The following ZNF567 variants were observed in gnomAD, a reference collection of about 807,000 sequenced individuals.
The protein encoded by ZNF567 is zinc finger protein 567.
A neutral mutation model predicts 53.9 loss-of-function variants in ZNF567; 36 were observed. The observed-to-expected ratio is 0.67, with a 90% CI of 0.51 to 0.88. The LOEUF (loss-of-function observed/expected upper bound fraction) is 0.88. Among genes scored for constraint, ZNF567 ranks in the 40% least tolerant of loss-of-function variants. ZNF567 has a pLI of 0.00. For missense variants in ZNF567, 619 were observed against 764.7 expected (o/e 0.81, Z 2.25); for synonymous variants, 224 against 260.4 (o/e 0.86, Z 1.35).
chr19:36,712,499 C>T lies in ZNF567; in HGVS notation c.123C>T (p.His41=). 6.2e-7 allele frequency: 1 copy of T among 1,614,100 alleles called. No homozygotes were observed. The highest frequency in any genetic ancestry group is 8.5e-7 in the Non-Finnish European group (1 of 1,179,990). ...YMDVMLENYC[H]LISVGCHMTK... Reference sequence around the variant, plus strand: ...ATGTGATGTTGGAAAACTATTGCCACCTCATCTCTGTGGGTAAGAAAAATC... The same window carrying T: ...ATGTGATGTTGGAAAACTATTGCCATCTCATCTCTGTGGGTAAGAAAAATC... The change falls in exon 4 of 6, where the codon CAC becomes CAT. Residue 41 remains histidine, a synonymous_variant. Transcript: ENST00000682579.
At chr19:36,708,436 C>T (rs771265253) in intron 3 of ZNF567, among the ~76,000 whole-genome samples, 10 of 152,136 alleles carry the variant, frequency 6.6e-5, no homozygotes, top group South Asian at 2.1e-4. Flanking sequence ...TTTTGGTCTA[C>T]GGCTAATTTA....
intron 2 of ZNF567, among the ~76,000 whole-genome samples, chr19:36,691,243 G>A (rs756459151): frequency 4.6e-5 from 7 of 151,884 alleles, no homozygotes; most frequent in Non-Finnish European, 1.0e-4. Flanking sequence ...CTGCAGCCTC[G>A]ATCTCCCTGG....
the ZNF567 span, among the ~76,000 whole-genome samples, chr19:36,677,656 A>G: frequency 1.3e-5 from 2 of 151,644 alleles, no homozygotes; most frequent in Non-Finnish European, 2.9e-5. Flanking sequence ...AGTCCCAGCT[A>G]CTTGGGAGGC....
chr19:36,697,907 G>A (rs1180075074), intron 3 of ZNF567, among the ~76,000 whole-genome samples: 3 of 143,784 alleles, frequency 2.1e-5, no homozygotes, highest in Non-Finnish European at 4.5e-5. Context: ...CACCATGTCC[G>A]GCTGGAATTT....
At chr19:36,726,981 T>TC (rs1568725609), downstream of ZNF567, 161 of 60,822 alleles carry the variant, frequency 2.6e-3, no homozygotes, top group African/African-American at 9.3e-3. Context: ...TCTTTCTTTC[T>TC]TTTTCTTTCT....
chr19:36,708,795 C>T (rs1568701702), intron 3 of ZNF567, among the ~76,000 whole-genome samples: 1 of 152,080 alleles, frequency 6.6e-6, no homozygotes, highest in South Asian at 2.1e-4. Flanking sequence ...TCCTCCTAAC[C>T]CGTTCTTGCT....
At chr19:36,673,860 G>A in the ZNF567 span, among the ~76,000 whole-genome samples, 1 of 152,136 alleles carries the variant, frequency 6.6e-6, no homozygotes, top group Non-Finnish European at 1.5e-5. Flanking sequence ...GAGGCATCAA[G>A]AGCTTAAATA....
At chr19:36,704,293 C>T (rs1368959227) in intron 3 of ZNF567, among the ~76,000 whole-genome samples, 6 of 152,074 alleles carry the variant, frequency 3.9e-5, no homozygotes, top group East Asian at 3.9e-4. Flanking sequence ...ATGTGGTGGG[C>T]GCCTGTAATC....
intron 1 of ZNF567, among the ~76,000 whole-genome samples, chr19:36,689,045 C>T (rs2038438966): frequency 6.6e-6 from 1 of 152,116 alleles, no homozygotes; most frequent in South Asian, 2.1e-4. Flanking sequence ...TGCAGTGAGC[C>T]AAGATCGCGC....
At chr19:36,726,794 A>G (rs1417781972), downstream of ZNF567, among the ~76,000 whole-genome samples, 2 of 152,060 alleles carry the variant, frequency 1.3e-5, no homozygotes, top group Non-Finnish European at 2.9e-5. Flanking sequence ...CAGGGGCCCT[A>G]CGTAATTCCA....
intron 5 of ZNF567, chr19:36,714,495 T>C (rs2039948921): frequency 1.3e-5 from 5 of 398,480 alleles, no homozygotes; most frequent in Non-Finnish European, 1.8e-5. Flanking sequence ...GCTTTCTTCA[T>C]CCTGTCTTTA....
chr19:36,718,797 T>C (rs1471270331), intron 5 of ZNF567, 151 bp from the exon 6 acceptor site: 1 of 530,620 alleles, frequency 1.9e-6, no homozygotes, highest in African/African-American at 2.0e-5. Context: ...GAAGCAGTTT[T>C]TGTTTAGGTT....
At chr19:36,687,960 C>CGT (rs138621038) in intron 1 of ZNF567, among the ~76,000 whole-genome samples, 48 of 150,888 alleles carry the variant, frequency 3.2e-4, no homozygotes, top group African/African-American at 7.3e-4. Flanking sequence ...ACAGGCGCTC[C>CGT]GTGTGTGTGT....
At position 36,706,311 on chromosome 19, in the gene ZNF567, C is replaced by T. The variant is rs551765102; in HGVS notation, c.10-6075C>T. Among the ~76,000 whole-genome samples the T allele has an allele frequency of 6.6e-5, 10 of 152,274 alleles. No individual in the cohort carries two copies. In the South Asian group the frequency reaches 8.3e-4, roughly 13 times the overall value. ...CCTGAACGTTGTTTGGTTTTTGTTT[C>T]GAGATAGGGCCTCGCTTTGTAGCCC... On this transcript the variant is annotated intron_variant, in intron 3 of 5. Coordinates refer to ENST00000682579, the MANE Select transcript of ZNF567 (RefSeq NM_001322917.1).
Position 36,720,341 on chromosome 19 carries a change from G to C in ZNF567, c.1617G>C (p.Gly539=). 1 of 1,613,654 alleles carries C rather than the reference G, an allele frequency of 6.2e-7. No individual in the cohort carries two copies. The highest frequency in any genetic ancestry group is 8.5e-7 in the Non-Finnish European group (1 of 1,179,914). ...AACCCTATGTTTGTAATGAATGTGG[G>C]AAGTCCTTTCGCCAGAAAGCAACCC... The part of the protein sequence containing the change: ...GEKPYVCNEC[G]KSFRQKATLT... Residue 539 remains glycine, a synonymous_variant, in exon 6 of 6, where the codon GGG becomes GGC. Transcript: ENST00000682579.
upstream of ZNF567, among the ~76,000 whole-genome samples, chr19:36,686,983 C>T (rs1184073495): frequency 6.6e-6 from 1 of 152,144 alleles, no homozygotes; most frequent in Non-Finnish European, 1.5e-5. Context: ...TGCTTCATTG[C>T]AAGATGACTC....
intron 1 of ZNF567, among the ~76,000 whole-genome samples, chr19:36,689,085 A>G (rs1353278578): frequency 6.6e-6 from 1 of 152,186 alleles, no homozygotes; most frequent in Non-Finnish European, 1.5e-5. Context: ...CGACAGAACG[A>G]GACTCCGTCC....
At position 36,689,394 on chromosome 19, in the gene ZNF567, T is replaced by C. The variant is rs2038477432; in HGVS notation, c.-167-3T>C. 1 of 151,994 alleles carries C rather than the reference T, an allele frequency of 6.6e-6. No individual in the cohort carries two copies. Among genetic ancestry groups the C allele is most frequent in the South Asian group, 2.1e-4 (1 of 4,806 alleles). 9.4% of individuals were successfully genotyped at this position (151,994 alleles called of 1,614,324 possible). ...TATTTTGTCTCCTCTTTACTCCCTA[T>C]AGGCAGTCTTTAGCTCTCATGGATT... On this transcript the variant is annotated splice_region_variant and splice_polypyrimidine_tract_variant and intron_variant, in intron 1 of 5. Transcript: ENST00000682579.
chr19:36,668,941 T>C, the ZNF567 span: 3 of 152,170 alleles, frequency 2.0e-5, no homozygotes, highest in African/African-American at 7.2e-5. Flanking sequence ...AAACCTTCAG[T>C]TGAAAATATC....
Sources: gnomAD v4.1 joint callset for allele counts (sites outside exome capture counted in the v4.1 genomes callset) on GRCh38, gnomAD v4.1.1 for gene constraint, MANE v1.5 for transcripts, NCBI Gene and HGNC (gene_info 2026-07-23, HGNC 2026-07-21) for gene names.